Variants in FNDC1 observed in about 807,000 individuals in gnomAD.
The protein encoded by FNDC1 is fibronectin type III domain-containing protein 1.
FNDC1 carries 96 observed loss-of-function variants against 168.0 expected under a neutral mutation model. That is an observed-to-expected ratio of 0.57 (90% CI 0.48 to 0.68). The LOEUF is 0.68. FNDC1 is among the 30% of genes least tolerant of loss of function. The pLI is 0.00. For synonymous variants in FNDC1, 1,099 were observed against 1,025.9 expected (o/e 1.07, Z -1.36); for missense variants, 2,587 against 2,482.1 (o/e 1.04, Z -0.90).
At chr6:159,243,628 G>A (rs1464729860) in intron 14 of FNDC1, among the ~76,000 whole-genome samples, 2 of 152,110 alleles carry the variant, frequency 1.3e-5, no homozygotes, top group Non-Finnish European at 1.5e-5. Flanking sequence ...AGAGGCTGAA[G>A]CTTTTCACAT....
In FNDC1 at chr6:159,239,818, T is replaced by A. The variant is rs1244576335; in HGVS notation, c.4482T>A (p.Thr1494=). ...GTCCAACAACCACAGTCCGAACCAC[T>A]ACGCGGACAACCACCACCACCACCC... The part of the protein sequence containing the change: ...TRRPTTTVRT[T]TRTTTTTTPT... The change falls in exon 14 of 23, where the codon ACT becomes ACA. Residue 1494 remains threonine (T), a synonymous_variant. Transcript: ENST00000297267. The A allele has an allele frequency of 6.5e-7, 1 of 1,545,736 alleles. No individual in the cohort carries two copies. The highest frequency in any genetic ancestry group is 8.8e-7 in the Non-Finnish European group (1 of 1,142,806).
At position 159,251,510 on chromosome 6, in the gene FNDC1, C is replaced by T. The variant is rs550443; in HGVS notation, c.5043C>T (p.Ala1681=). 0.16 allele frequency: 250,452 copies of T among 1,612,828 alleles called. 21,664 individuals carry two copies. The highest frequency in any genetic ancestry group is 0.39 in the East Asian group (17,389 of 44,820). The part of the protein sequence containing the change: ...HSFVIVDWDK[A]TPGDVVTGYL... ...TTGTCATTGTGGACTGGGACAAAGC[C>T]ACCCCAGGAGATGTGGTCACAGGTG... The change falls in exon 17 of 23, where the codon GCC becomes GCT. Residue 1681 remains alanine (A), a synonymous_variant. Transcript: ENST00000297267.
At chr6:159,189,194 G>GC (rs1253120861) in intron 1 of FNDC1, among the ~76,000 whole-genome samples, 1 of 152,152 alleles carries the variant, frequency 6.6e-6, no homozygotes, top group Non-Finnish European at 1.5e-5. Flanking sequence ...TAGGCAGGGG[G>GC]CCAGCTGGCC....
At chr6:159,191,306 A>G (rs565995161) in intron 1 of FNDC1, among the ~76,000 whole-genome samples, 1 of 152,328 alleles carries the variant, frequency 6.6e-6, no homozygotes, top group South Asian at 2.1e-4. Flanking sequence ...GAATTGTCTA[A>G]GTACAGTGGG....
intron 1 of FNDC1, among the ~76,000 whole-genome samples, chr6:159,197,127 T>C (rs1782259137): frequency 6.6e-6 from 1 of 152,234 alleles, no homozygotes; most frequent in Admixed American, 6.5e-5. Flanking sequence ...GATTTGTTAT[T>C]CTGTCACTAG....
chr6:159,209,999 A>G (rs913834231), intron 4 of FNDC1, among the ~76,000 whole-genome samples: 1 of 152,194 alleles, frequency 6.6e-6, no homozygotes, highest in Non-Finnish European at 1.5e-5. Context: ...ACACTTACAC[A>G]TTTAAGAGGA....
Position 159,251,337 on chromosome 6 carries a change from G to A in FNDC1, c.4870G>A (p.Ala1624Thr). Residue 1624 changes from alanine to threonine, a missense_variant, in exon 17 of 23, where the codon GCC becomes ACC. Coordinates refer to ENST00000297267, the MANE Select transcript of FNDC1 (RefSeq NM_032532.3). ...GACGTACCTAAATAAAGACCCATCA[G>A]CCCCGTGCTCTCTGACTGATGCACT... ...YVTYLNKDPS[A>T]PCSLTDALDH... 6.2e-7 allele frequency: 1 copy of A among 1,613,938 alleles called. No individual in the cohort carries two copies. The highest frequency in any genetic ancestry group is 8.5e-7 in the Non-Finnish European group (1 of 1,179,866).
At chr6:159,239,029 T>C (rs1783332878) in intron 13 of FNDC1, among the ~76,000 whole-genome samples, 1 of 152,234 alleles carries the variant, frequency 6.6e-6, no homozygotes, top group Non-Finnish European at 1.5e-5. Context: ...AAAGAATATT[T>C]TGTGGCATGG....
intron 4 of FNDC1, among the ~76,000 whole-genome samples, chr6:159,211,065 C>T (rs555583680): frequency 1.7e-4 from 26 of 152,280 alleles, no homozygotes; most frequent in East Asian, 3.9e-4. Flanking sequence ...CCCCCACCCC[C>T]GGCGTGCAGA....
intron 5 of FNDC1, among the ~76,000 whole-genome samples, chr6:159,216,712 G>A (rs1037278991): frequency 6.6e-6 from 1 of 152,244 alleles, no homozygotes; most frequent in Non-Finnish European, 1.5e-5. Context: ...CTTGAGCAGA[G>A]AGCCTAATTC....
At chr6:159,194,729 C>T (rs1782208487) in intron 1 of FNDC1, among the ~76,000 whole-genome samples, 1 of 152,138 alleles carries the variant, frequency 6.6e-6, no homozygotes, top group African/African-American at 2.4e-5. Context: ...GTAATGTAAG[C>T]TCATGCACAT....
In FNDC1 at chr6:159,266,116, A is replaced by C; in HGVS notation, c.5317A>C (p.Lys1773Gln). The C allele has an allele frequency of 6.2e-7, 1 of 1,613,932 alleles. No homozygotes were observed. The highest frequency in any genetic ancestry group is 8.5e-7 in the Non-Finnish European group (1 of 1,179,830). ...GEPIWIPFAFKHDPSYTDCHG... is the reference protein window; with the variant it reads ...GEPIWIPFAFQHDPSYTDCHG... ...GCCTATCTGGATCCCATTCGCTTTC[A>C]AACATGATCCCAGCTACACGGACTG... is the stretch of plus-strand genomic sequence containing the variant. Residue 1773 changes from lysine (K) to glutamine (Q), a missense_variant, in exon 21 of 23, where the codon AAA becomes CAA. Transcript: ENST00000297267.
intron 17 of FNDC1, among the ~76,000 whole-genome samples, chr6:159,253,236 C>T (rs1562309797): frequency 6.6e-6 from 1 of 152,138 alleles, no homozygotes; most frequent in Non-Finnish European, 1.5e-5. Context: ...TCCTGTCAAG[C>T]TGATTACTGT....
chr6:159,232,832 A>C lies in FNDC1; in HGVS notation c.2320A>C (p.Arg774=), dbSNP rs1345090904. ...CTCCGTCTCTTCTCATCTCTCGTCCAGGACGCAGGTCTCTGAGGGAGCGGA... is the reference window on the plus strand; with the variant it reads ...CTCCGTCTCTTCTCATCTCTCGTCCCGGACGCAGGTCTCTGAGGGAGCGGA... ...SSSVSSHLSS[R]TQVSEGAEAS... is the part of the protein sequence containing the mutation. Residue 774 remains arginine, a synonymous_variant, in exon 11 of 23, where the codon AGG becomes CGG. Coordinates refer to ENST00000297267, the MANE Select transcript of FNDC1 (RefSeq NM_032532.3). The surrounding 1 kb of genome is among the most constrained non-coding windows in gnomAD (Gnocchi z 4.9). 1.9e-6 allele frequency: 3 copies of C among 1,613,802 alleles called. No individual in the cohort carries two copies. The highest frequency in any genetic ancestry group is 1.3e-5 in the African/African-American group (1 of 74,928).
In FNDC1 at chr6:159,234,359, A is replaced by C. The variant is rs756181371; in HGVS notation, c.3847A>C (p.Thr1283Pro). 3 of 1,610,862 alleles carry C rather than the reference A, an allele frequency of 1.9e-6. No individual in the cohort carries two copies. The East Asian group carries it at 6.7e-5, about 36-fold the overall frequency. Residue 1283 changes from threonine to proline, a missense_variant, in exon 11 of 23, where the codon ACG (threonine) becomes CCG (proline). Coordinates refer to ENST00000297267, the MANE Select transcript of FNDC1 (RefSeq NM_032532.3). Reference sequence around the variant, plus strand: ...CACCCACCCCTGGCCGCAGTACACCACGCGCGCCCCACCTGGCCACTTCTC... The same window carrying C: ...CACCCACCCCTGGCCGCAGTACACCCCGCGCGCCCCACCTGGCCACTTCTC... ...AGTHPWPQYT[T>P]RAPPGHFSTT...
chr6:159,268,280 T>G (rs1777633279), intron 22 of FNDC1, among the ~76,000 whole-genome samples: 1 of 152,170 alleles, frequency 6.6e-6, no homozygotes, highest in African/African-American at 2.4e-5. Flanking sequence ...GGTTAACAAT[T>G]AATGTTACTA....
rs931067274 is a variant in FNDC1, at chr6:159,263,131, T to C, written c.5255-1844T>C. Among the ~76,000 whole-genome samples, 3 of 152,356 alleles carry C rather than the reference T, an allele frequency of 2.0e-5. No homozygotes were observed. In the East Asian group the frequency reaches 5.8e-4, roughly 29 times the overall value. ...GTCATTTTGTTTGTTTCACTCCACC[T>C]GCCCTGGGGTATTTGGGACTTTTTT... On this transcript the variant is annotated intron_variant, in intron 19 of 22. Coordinates refer to ENST00000297267, the MANE Select transcript of FNDC1 (RefSeq NM_032532.3).
intron 14 of FNDC1, among the ~76,000 whole-genome samples, chr6:159,242,025 C>A (rs1182467649): frequency 6.6e-6 from 1 of 152,138 alleles, no homozygotes; most frequent in Non-Finnish European, 1.5e-5. Context: ...TACAAAGATA[C>A]ATGCACATGT....
intron 22 of FNDC1, 129 bp from the exon 23 acceptor site, chr6:159,271,198 T>C (rs1777737786): frequency 4.5e-6 from 3 of 669,296 alleles, no homozygotes; most frequent in Non-Finnish European, 8.0e-6. Context: ...TTCAGTTTAT[T>C]TGAAAGTAGC....
Sources: gnomAD v4.1 joint callset for allele counts (sites outside exome capture counted in the v4.1 genomes callset) on GRCh38, gnomAD v4.1.1 for gene constraint, Gnocchi (gnomAD v3.1) non-coding constraint, MANE v1.5 for transcripts, NCBI Gene and HGNC (gene_info 2026-07-23, HGNC 2026-07-21) for gene names.